Variants in CPA5 observed in about 807,000 individuals in gnomAD.
The protein encoded by CPA5 is testicular tissue protein Li 32.
A neutral mutation model predicts 52.2 loss-of-function variants in CPA5; 38 were observed. The ratio of observed to expected loss-of-function variants is 0.73; its 90% CI spans 0.56 to 0.95. The LOEUF (loss-of-function observed/expected upper bound fraction) is 0.95. Among genes scored for constraint, CPA5 ranks in the 40% least tolerant of loss-of-function variants. CPA5 has a pLI of 0.00. For missense variants in CPA5, 519 were observed against 566.7 expected, an observed-to-expected ratio of 0.92 and a Z score of 0.86; for synonymous variants, 198 against 213.7, an observed-to-expected ratio of 0.93 and a Z score of 0.64.
rs781929502 is a variant in CPA5, at chr7:130,359,647, C to T, written c.392C>T (p.Thr131Ile). ...AAATCCCGCCGGCTGGAGCGCAGCA[C>T]CAACAGCTTCAGTTACTCATCATAC... ...MAKSRRLERSTNSFSYSSYHT... is the reference protein window; with the variant it reads ...MAKSRRLERSINSFSYSSYHT... The change falls in exon 6 of 13, where the codon ACC becomes ATC. Residue 131 changes from threonine to isoleucine, a missense_variant. Coordinates refer to ENST00000474905, the MANE Select transcript of CPA5 (RefSeq NM_080385.5). 1.3e-6 allele frequency: 2 copies of T among 1,586,066 alleles called. No individual in the cohort carries two copies. The highest frequency in any genetic ancestry group is 2.3e-5 in the South Asian group (2 of 86,376).
intron 10 of CPA5, among the ~76,000 whole-genome samples, chr7:130,363,840 A>G (rs932127850): frequency 6.6e-6 from 1 of 152,188 alleles, no homozygotes; most frequent in African/African-American, 2.4e-5. Context: ...GGTACAAAGT[A>G]GCCTTGCTTG....
chr7:130,374,409 T>G, the CPA5 span, among the ~76,000 whole-genome samples: 1 of 152,096 alleles, frequency 6.6e-6, no homozygotes, highest in African/African-American at 2.4e-5. Context: ...CTCTGGGGCC[T>G]GCAGTTCACC....
At chr7:130,353,731 G>C (rs527828702) in intron 5 of CPA5, among the ~76,000 whole-genome samples, 188 of 152,156 alleles carry the variant, frequency 1.2e-3, no homozygotes, top group Non-Finnish European at 2.4e-3. Flanking sequence ...CCTCACCTGG[G>C]TTCTTCCAGT....
rs1554408878 is a variant in CPA5, at chr7:130,367,526, C to T, written c.993C>T (p.Tyr331=). ...SIHSYSQMLM[Y]PYGRLLEPVS... ...ACAGCTACTCTCAGATGCTTATGTA[C>T]CCTTACGGCCGATTGCTGGAGCCCG... The change falls in exon 11 of 13, where the codon TAC becomes TAT. Residue 331 remains tyrosine, a synonymous_variant. Transcript: ENST00000474905. 5 of 1,614,108 alleles carry T rather than the reference C, an allele frequency of 3.1e-6. No homozygotes were observed. Among genetic ancestry groups the T allele is most frequent in the Non-Finnish European group, 4.2e-6 (5 of 1,180,016 alleles).
At chr7:130,359,039 T>C (rs577731781) in intron 5 of CPA5, among the ~76,000 whole-genome samples, 1 of 152,334 alleles carries the variant, frequency 6.6e-6, no homozygotes, top group South Asian at 2.1e-4. Flanking sequence ...TGGATACCAG[T>C]TGTCTAGGCT....
chr7:130,355,511 A>G (rs1795426559), intron 5 of CPA5, among the ~76,000 whole-genome samples: 1 of 151,980 alleles, frequency 6.6e-6, no homozygotes, highest in South Asian at 2.1e-4. Flanking sequence ...GGTTCAAGCA[A>G]TTCTCCTGCC....
chr7:130,348,534 A>C (rs6946506), intron 4 of CPA5, among the ~76,000 whole-genome samples: 122,626 of 152,054 alleles, frequency 0.81, 50,481 homozygotes, highest in East Asian at 0.99. Flanking sequence ...GACCCAGATT[A>C]GGCCTCTCCT....
chr7:130,347,790 C>G lies in CPA5; in HGVS notation c.141C>G (p.Ala47=). The G allele has an allele frequency of 6.2e-7, 1 of 1,614,062 alleles. No individual in the cohort carries two copies. Among genetic ancestry groups the G allele is most frequent in the Non-Finnish European group, 8.5e-7 (1 of 1,180,000 alleles). ...FTGDQVLRVL[A]KDEKQLSLLG... is the part of the protein sequence containing the mutation. Reference sequence around the variant, plus strand: ...GGGACCAGGTTCTTCGAGTCCTGGCCAAAGATGAGAAGCAGCTTTCACTTC... The same window carrying G: ...GGGACCAGGTTCTTCGAGTCCTGGCGAAAGATGAGAAGCAGCTTTCACTTC... The change falls in exon 4 of 13, where the codon GCC becomes GCG. Residue 47 remains alanine, a synonymous_variant. Transcript: ENST00000474905.
rs782451828 is a variant in CPA5, at chr7:130,368,545, C to T, written c.1259C>T (p.Thr420Met). 20 of 1,613,938 alleles carry T rather than the reference C, an allele frequency of 1.2e-5. No individual in the cohort carries two copies. The highest frequency in any genetic ancestry group is 4.5e-5 in the East Asian group (2 of 44,876). ...ATQIIPTAQE[T>M]WMALRTIMEH... is the part of the protein sequence containing the mutation. ...CAGATCATCCCCACGGCCCAGGAGA[C>T]GTGGATGGCGCTTCGGACCATCATG... Residue 420 changes from threonine to methionine, a missense_variant, in exon 13 of 13, where the codon ACG becomes ATG. By Grantham distance (81) the Thr-to-Met change is moderately conservative (BLOSUM62 -1). Coordinates refer to ENST00000474905, the MANE Select transcript of CPA5 (RefSeq NM_080385.5).
intron 5 of CPA5, among the ~76,000 whole-genome samples, chr7:130,354,646 T>C (rs1020609544): frequency 5.9e-5 from 9 of 152,152 alleles, no homozygotes; most frequent in Non-Finnish European, 1.2e-4. Context: ...ACTCCTGGCC[T>C]CAAGTGATCC....
In CPA5 at chr7:130,346,605, A is replaced by G. The variant is rs1794758728; in HGVS notation, c.116+4A>G. 6.2e-7 allele frequency: 1 copy of G among 1,611,328 alleles called. No homozygotes were observed. The highest frequency in any genetic ancestry group is 1.3e-5 in the African/African-American group (1 of 74,998). On this transcript the variant is annotated splice_donor_region_variant and intron_variant, in intron 3 of 12. Coordinates refer to ENST00000474905, the MANE Select transcript of CPA5 (RefSeq NM_080385.5). Reference sequence around the variant, plus strand: ...TGGGCCAAATGAATTTCACAGGGTGAGTGGCTGCTCCACAGTGGGAGGGAG... The same window carrying G: ...TGGGCCAAATGAATTTCACAGGGTGGGTGGCTGCTCCACAGTGGGAGGGAG...
chr7:130,361,235 T>C lies in CPA5; in HGVS notation c.525T>C (p.Leu175=). ...ACAGCTTTGAAAACCAGTCCATTCTTGTCCTGAAGGTAAAAGCCCACAATG... is the reference window on the plus strand; with the variant it reads ...ACAGCTTTGAAAACCAGTCCATTCTCGTCCTGAAGGTAAAAGCCCACAATG... ...IGNSFENQSI[L]VLKFSTGGSR... The change falls in exon 7 of 13, where the codon CTT becomes CTC. Residue 175 remains leucine, a synonymous_variant. Transcript: ENST00000474905. 1 of 1,611,680 alleles carries C rather than the reference T, an allele frequency of 6.2e-7. No homozygotes were observed. Among genetic ancestry groups the C allele is most frequent in the Non-Finnish European group, 8.5e-7 (1 of 1,177,764 alleles).
intron 10 of CPA5, 91 bp from the exon 11 acceptor site, chr7:130,367,281 G>A (rs6953914): frequency 7.9e-6 from 9 of 1,143,298 alleles, no homozygotes; most frequent in Non-Finnish European, 1.2e-5. Flanking sequence ...AGGAGGCTGG[G>A]AAATGTAGGG....
chr7:130,355,336 G>A (rs996645101), intron 5 of CPA5, among the ~76,000 whole-genome samples: 4 of 152,078 alleles, frequency 2.6e-5, no homozygotes, highest in Non-Finnish European at 5.9e-5. Flanking sequence ...TTTACTACAT[G>A]CCTGGCAAAA....
At chr7:130,368,787 G>A (rs552710869), downstream of CPA5, 394 of 597,414 alleles carry the variant, frequency 6.6e-4, 1 homozygote, top group African/African-American at 4.5e-3. Flanking sequence ...ACAAGGGGAC[G>A]AGAGGCTGCT....
rs781839270 is a variant in CPA5, at chr7:130,368,540, G to A, written c.1254G>A (p.Gln418=). 2 of 1,613,966 alleles carry A rather than the reference G, an allele frequency of 1.2e-6. No individual in the cohort carries two copies. Among genetic ancestry groups the A allele is most frequent in the African/African-American group, 2.7e-5 (2 of 74,882 alleles). ...LPATQIIPTA[Q]ETWMALRTIM... ...CCACACAGATCATCCCCACGGCCCA[G>A]GAGACGTGGATGGCGCTTCGGACCA... Residue 418 remains glutamine, a synonymous_variant, in exon 13 of 13, where the codon CAG becomes CAA. Coordinates refer to ENST00000474905, the MANE Select transcript of CPA5 (RefSeq NM_080385.5).
At chr7:130,374,031 C>T in the CPA5 span, among the ~76,000 whole-genome samples, 1 of 151,458 alleles carries the variant, frequency 6.6e-6, no homozygotes, top group African/African-American at 2.4e-5. Context: ...ACTTTGTTGA[C>T]GTTCCAGAGC....
chr7:130,355,832 A>T (rs2117367732), intron 5 of CPA5, among the ~76,000 whole-genome samples: 1 of 152,304 alleles, frequency 6.6e-6, no homozygotes, highest in East Asian at 1.9e-4. Context: ...ATCAGGGTTT[A>T]ACCTGAGCTC....
At chr7:130,356,292 T>C (rs927839009) in intron 5 of CPA5, among the ~76,000 whole-genome samples, 10 of 152,184 alleles carry the variant, frequency 6.6e-5, no homozygotes, top group Admixed American at 1.3e-4. Flanking sequence ...CCATCCTTCC[T>C]TGACTCATCG....
Sources: allele counts gnomAD v4.1 joint callset (sites outside exome capture counted in the v4.1 genomes callset), GRCh38; gene constraint gnomAD v4.1.1; transcripts MANE v1.5; gene names NCBI Gene and HGNC (gene_info 2026-07-23, HGNC 2026-07-21).